The following PDCD4 variants were observed in gnomAD, a reference collection of about 807,000 sequenced individuals.
PDCD4 encodes the protein programmed cell death 4, also known as programmed cell death protein 4.
Under a neutral mutation model 54.0 loss-of-function variants are expected in PDCD4, and 56 were observed. The ratio of observed to expected loss-of-function variants is 1.04; its 90% CI spans 0.84 to 1.30. PDCD4 has a LOEUF of 1.30. PDCD4 is among the 50% of genes most tolerant of loss of function. The pLI is 0.00. For synonymous variants in PDCD4, 186 were observed against 194.8 expected (o/e 0.95, Z 0.37); for missense variants, 584 against 559.8 (o/e 1.04, Z -0.44).
At chr10:110,882,858 C>T in intron 3 of PDCD4, 145 bp from the exon 4 acceptor site, 5 of 578,170 alleles carry the variant, frequency 8.6e-6, no homozygotes, top group Admixed American at 3.4e-5. Context: ...GAACAAAAAC[C>T]AGTAGGGGAA....
In PDCD4 at chr10:110,895,257, A is replaced by G. The variant is rs530432999; in HGVS notation, c.1210-691A>G. On this transcript the variant is annotated intron_variant, in intron 10 of 11. Transcript: ENST00000280154. ...TACCTCCCCACTTTTGAAATTCCCA[A>G]TGTTTATTGTTCCCATCTTCATGTC... Among the ~76,000 whole-genome samples the G allele has an allele frequency of 2.2e-4, 33 of 151,970 alleles. No individual in the cohort carries two copies. In the East Asian group the frequency reaches 4.5e-3, roughly 21 times the overall value.
At chr10:110,896,349 G>C (rs117341854) in intron 11 of PDCD4, among the ~76,000 whole-genome samples, 1 of 152,146 alleles carries the variant, frequency 6.6e-6, no homozygotes, top group South Asian at 2.1e-4. Flanking sequence ...TTTAGAGTAG[G>C]TATTATCAGT....
In PDCD4 at chr10:110,894,527, G is replaced by C. The variant is rs1353135843; in HGVS notation, c.1209+5G>C. 8.5e-7 allele frequency: 1 copy of C among 1,173,474 alleles called. No individual in the cohort carries two copies. Among genetic ancestry groups the C allele is most frequent in the Non-Finnish European group, 1.3e-6 (1 of 792,222 alleles). 72.7% of individuals were successfully genotyped at this position (1,173,474 alleles called of 1,614,324 possible). On this transcript the variant is annotated splice_donor_5th_base_variant and intron_variant, in intron 10 of 11. Transcript: ENST00000280154. The stretch of plus-strand genomic sequence containing the variant: ...ACTGTAGACCAAATGAAAAGAGTAA[G>C]TATAACATTGTTTTTGAACAACTTG...
At chr10:110,892,005 T>TA (rs1845765174) in intron 8 of PDCD4, among the ~76,000 whole-genome samples, 1 of 152,068 alleles carries the variant, frequency 6.6e-6, no homozygotes, top group East Asian at 1.9e-4. Flanking sequence ...AACTATTAAC[T>TA]AAAAAATGAG....
chr10:110,880,192 C>A (rs1216859364), intron 2 of PDCD4: 2 of 152,224 alleles, frequency 1.3e-5, no homozygotes, highest in Non-Finnish European at 2.9e-5. Context: ...GAAGGACATA[C>A]AGTCTAGTTG....
At chr10:110,875,881 C>A in intron 1 of PDCD4, 85 bp from the exon 2 acceptor site, 347 of 434,344 alleles carry the variant, frequency 8.0e-4, no homozygotes, top group East Asian at 1.2e-3. Flanking sequence ...TTTGTTTTTA[C>A]AGTGTGCTTA....
chr10:110,895,978 G>T lies in PDCD4; in HGVS notation c.1240G>T (p.Asp414Tyr). Residue 414 changes from aspartate to tyrosine, a missense_variant, in exon 11 of 12, where the codon GAC becomes TAC. By Grantham distance (160) the Asp-to-Tyr change is radical. Coordinates refer to ENST00000280154, the MANE Select transcript of PDCD4 (RefSeq NM_014456.5). ...GYERIYNEIP[D>Y]INLDVPHSYS... The stretch of plus-strand genomic sequence containing the variant: ...TGAGAGAATTTACAATGAAATTCCG[G>T]ACATTAATCTGGATGTCCCACATTC... 1 of 1,604,462 alleles carries T rather than the reference G, an allele frequency of 6.2e-7. No individual in the cohort carries two copies. The highest frequency in any genetic ancestry group is 1.1e-5 in the South Asian group (1 of 89,726).
chr10:110,885,123 G>C, intron 4 of PDCD4, 130 bp from the exon 5 acceptor site: 2 of 553,742 alleles, frequency 3.6e-6, no homozygotes, highest in Admixed American at 6.8e-5. Flanking sequence ...TGCGATCAAT[G>C]TATGTAGCAT....
chr10:110,894,467 A>AT lies in PDCD4; in HGVS notation c.1157dup (p.Leu386PhefsTer21), dbSNP rs1295431139. 6.4e-7 allele frequency: 1 copy of AT among 1,573,914 alleles called. No individual in the cohort carries two copies. Among genetic ancestry groups the AT allele is most frequent in the Non-Finnish European group, 8.7e-7 (1 of 1,144,804 alleles). On this transcript the variant is annotated frameshift_variant, in exon 10 of 12. Transcript: ENST00000280154. LOFTEE classifies it high-confidence loss of function. ...GAAAGTACATTTAAGATGATTTTGGATTTATTAAAGTCCCTTTGGAAGTCT... is the reference window on the plus strand; with the variant it reads ...GAAAGTACATTTAAGATGATTTTGGATTTTATTAAAGTCCCTTTGGAAGTCT...
At chr10:110,894,039 G>T in intron 8 of PDCD4, 52 bp from the exon 9 acceptor site, 1 of 1,090,614 alleles carries the variant, frequency 9.2e-7, no homozygotes, top group Non-Finnish European at 1.4e-6. Flanking sequence ...AGGCAAGCAC[G>T]ATATTTTAAA....
At position 110,876,079 on chromosome 10, in the gene PDCD4, G is replaced by A; in HGVS notation, c.43+9G>A. 1 of 1,602,770 alleles carries A rather than the reference G, an allele frequency of 6.2e-7. No homozygotes were observed. The highest frequency in any genetic ancestry group is 8.5e-7 in the Non-Finnish European group (1 of 1,173,038). ...GAATGTAAACCCTGCAGGTAAGTAA[G>A]GATATCCTTTTTTCTTTTTTTCTTC... On this transcript the variant is annotated intron_variant, in intron 2 of 11. Coordinates refer to ENST00000280154, the MANE Select transcript of PDCD4 (RefSeq NM_014456.5).
intron 11 of PDCD4, among the ~76,000 whole-genome samples, chr10:110,897,299 T>C (rs1315139586): frequency 6.6e-6 from 1 of 152,242 alleles, no homozygotes; most frequent in African/African-American, 2.4e-5. Context: ...GTCCTTCATC[T>C]TTTAGCCTAT....
intron 5 of PDCD4, among the ~76,000 whole-genome samples, chr10:110,886,049 G>C (rs564141042): frequency 6.6e-6 from 1 of 152,252 alleles, no homozygotes; most frequent in East Asian, 1.9e-4. Context: ...GATATCTTTG[G>C]ATTTGTAGGA....
intron 1 of PDCD4, among the ~76,000 whole-genome samples, chr10:110,875,673 G>A (rs1351299783): frequency 2.0e-5 from 3 of 151,998 alleles, no homozygotes; most frequent in Non-Finnish European, 2.9e-5. Flanking sequence ...TTAACTTGAC[G>A]TAAACATGTA....
rs780026914 is a variant in PDCD4, at chr10:110,881,330, A to G, written c.141A>G (p.Ala47=). 1 of 1,614,040 alleles carries G rather than the reference A, an allele frequency of 6.2e-7. No homozygotes were observed. The highest frequency in any genetic ancestry group is 2.2e-5 in the East Asian group (1 of 44,890). ...KNEINGNWIS[A]SSINEARINA... Reference sequence around the variant, plus strand: ...AAATAAATGGAAATTGGATTTCAGCATCCTCCATTAACGAAGCTAGAATTA... The same window carrying G: ...AAATAAATGGAAATTGGATTTCAGCGTCCTCCATTAACGAAGCTAGAATTA... The change falls in exon 3 of 12, where the codon GCA becomes GCG. Residue 47 remains alanine (A), a synonymous_variant. Coordinates refer to ENST00000280154, the MANE Select transcript of PDCD4 (RefSeq NM_014456.5).
chr10:110,879,416 C>T (rs1845556313), intron 2 of PDCD4, among the ~76,000 whole-genome samples: 1 of 152,078 alleles, frequency 6.6e-6, no homozygotes, highest in Non-Finnish European at 1.5e-5. Context: ...CCTGTAATCC[C>T]AGCACTTTGG....
intron 5 of PDCD4, among the ~76,000 whole-genome samples, chr10:110,885,906 A>G (rs1463952221): frequency 6.6e-6 from 1 of 152,208 alleles, no homozygotes; most frequent in Non-Finnish European, 1.5e-5. Flanking sequence ...AATCTAGGAT[A>G]AAATAAAACC....
Position 110,885,286 on chromosome 10 carries a change from T to C in PDCD4, c.475T>C (p.Leu159=), listed in dbSNP as rs747250241. 1 of 1,592,964 alleles carries C rather than the reference T, an allele frequency of 6.3e-7. No homozygotes were observed. The highest frequency in any genetic ancestry group is 2.3e-5 in the East Asian group (1 of 44,228). The change falls in exon 5 of 12, where the codon TTG becomes CTG. Residue 159 remains leucine (L), a synonymous_variant. Coordinates refer to ENST00000280154, the MANE Select transcript of PDCD4 (RefSeq NM_014456.5). ...TGTTTATGAAACTGTAGTTTTGCCTTTGGATGAAAGGGCATTTGAGAAGAC... is the reference window on the plus strand; with the variant it reads ...TGTTTATGAAACTGTAGTTTTGCCTCTGGATGAAAGGGCATTTGAGAAGAC... The part of the protein sequence containing the change: ...NCVYETVVLP[L]DERAFEKTLT...
At chr10:110,875,744 A>AT (rs575082698) in intron 1 of PDCD4, among the ~76,000 whole-genome samples, 100 of 148,596 alleles carry the variant, frequency 6.7e-4, no homozygotes, top group Non-Finnish European at 9.9e-4. Flanking sequence ...GAAATCTGGG[A>AT]TTTTTTTTTT....
Sources: allele counts gnomAD v4.1 joint callset (sites outside exome capture counted in the v4.1 genomes callset), GRCh38; gene constraint gnomAD v4.1.1; transcripts MANE v1.5; gene names NCBI Gene and HGNC (gene_info 2026-07-23, HGNC 2026-07-21).